Variants in PTPRT observed in about 807,000 individuals in gnomAD.
The protein encoded by PTPRT is protein tyrosine phosphatase receptor type T, also known as receptor-type tyrosine-protein phosphatase T.
Under a neutral mutation model 176.8 loss-of-function variants are expected in PTPRT, and 56 were observed. The ratio of observed to expected loss-of-function variants is 0.32; its 90% CI spans 0.26 to 0.40. PTPRT has a LOEUF of 0.40. Among genes scored for constraint, PTPRT ranks in the 10% least tolerant of loss-of-function variants. PTPRT has a pLI of 1.00. For missense variants in PTPRT, 1,540 were observed against 1,908.2 expected (o/e 0.81, Z 3.60); for synonymous variants, 783 against 739.0 (o/e 1.06, Z -0.96).
rs188968637 is a variant in PTPRT at position 42,934,608 on chromosome 20, G to C, written c.89-48676C>G. ...GTTGTTGGCAGGACTCAGTTTCTCA[G>C]GGGTTGTTGGACAGAGATATTAGCT... On this transcript the variant is annotated intron_variant, in intron 1 of 30. Coordinates refer to ENST00000373187, the MANE Select transcript of PTPRT (RefSeq NM_007050.6). 1.1e-3 allele frequency among the ~76,000 whole-genome samples: 175 copies of C among 152,262 alleles called. 1 individual carries two copies. Among genetic ancestry groups the C allele is most frequent in the South Asian group, 3.3e-3 (16 of 4,808 alleles).
chr20:42,973,242 G>A (rs1176876975), intron 1 of PTPRT, among the ~76,000 whole-genome samples: 1 of 152,124 alleles, frequency 6.6e-6, no homozygotes, highest in Non-Finnish European at 1.5e-5. Context: ...ATGGATGGTG[G>A]TGCCATTTTG....
intron 2 of PTPRT, among the ~76,000 whole-genome samples, chr20:42,810,076 T>G (rs1306653081): frequency 6.6e-6 from 1 of 152,148 alleles, no homozygotes; most frequent in Non-Finnish European, 1.5e-5. Context: ...GTGGATTGCC[T>G]GAGCTCTGGA....
At chr20:42,737,315 T>C (rs531947722) in intron 6 of PTPRT, among the ~76,000 whole-genome samples, 1 of 152,180 alleles carries the variant, frequency 6.6e-6, no homozygotes, top group South Asian at 2.1e-4. Context: ...CACCCAAAGA[T>C]CACTGGCAAC....
intron 15 of PTPRT, among the ~76,000 whole-genome samples, chr20:42,209,950 T>C (rs912317801): frequency 2.6e-5 from 4 of 152,304 alleles, no homozygotes; most frequent in Admixed American, 1.3e-4. Context: ...TTATCCACCA[T>C]GATCAAGTGG....
At chr20:42,540,264 A>C (rs1026741493) in intron 7 of PTPRT, among the ~76,000 whole-genome samples, 1 of 152,172 alleles carries the variant, frequency 6.6e-6, no homozygotes, top group Non-Finnish European at 1.5e-5. Flanking sequence ...GTAGTAAAGG[A>C]AAGTTATTTC....
intron 6 of PTPRT, among the ~76,000 whole-genome samples, chr20:42,716,712 T>C (rs1255838290): frequency 6.6e-6 from 1 of 152,176 alleles, no homozygotes; most frequent in Non-Finnish European, 1.5e-5. Context: ...TTATAAATCA[T>C]GCTGCTATAA....
At position 42,089,173 on chromosome 20, in the gene PTPRT, C is replaced by A. The variant is rs189135145; in HGVS notation, c.3847-3320G>T. Among the ~76,000 whole-genome samples the A allele has an allele frequency of 3.9e-5, 6 of 152,058 alleles. No individual in the cohort carries two copies. The East Asian group carries it at 1.2e-3, about 29-fold the overall frequency. ...GTCACGGGCCTCCATGGCTGGACAA[C>A]CATCTGCTGAGCTGTGCAATGATGA... is the stretch of plus-strand genomic sequence containing the variant. On this transcript the variant is annotated intron_variant, in intron 27 of 30. Transcript: ENST00000373187.
At chr20:43,070,353 AG>A (rs1253057104) in intron 1 of PTPRT, among the ~76,000 whole-genome samples, 1 of 152,206 alleles carries the variant, frequency 6.6e-6, no homozygotes, top group Non-Finnish European at 1.5e-5. Context: ...GTGGAGAAAC[AG>A]GAACACTTTT....
chr20:42,777,488 G>A lies in PTPRT; in HGVS notation c.568+2730C>T, dbSNP rs147066379. On this transcript the variant is annotated intron_variant, in intron 4 of 30. Transcript: ENST00000373187. ...ACCACTATATCCAAGCAGCCCTCCC[G>A]TATCCCAGACACCGACACTTACTAT... Among the ~76,000 whole-genome samples, 373 of 152,132 alleles carry A rather than the reference G, an allele frequency of 2.5e-3. 2 individuals are homozygous for A. Among genetic ancestry groups the A allele is most frequent in the Admixed American group, 0.02 (308 of 15,258 alleles).
intron 2 of PTPRT, among the ~76,000 whole-genome samples, chr20:42,817,702 A>C (rs2077813651): frequency 6.6e-6 from 1 of 152,180 alleles, no homozygotes; most frequent in Non-Finnish European, 1.5e-5. Context: ...GGGAGGCTGG[A>C]GGGCTTGATC....
chr20:42,644,576 G>C (rs1167052707), intron 7 of PTPRT, among the ~76,000 whole-genome samples: 1 of 152,094 alleles, frequency 6.6e-6, no homozygotes, highest in Non-Finnish European at 1.5e-5. Context: ...ATGCAATGAA[G>C]AATAAGGTGT....
At chr20:42,716,930 A>G (rs2076232808) in intron 6 of PTPRT, among the ~76,000 whole-genome samples, 1 of 152,134 alleles carries the variant, frequency 6.6e-6, no homozygotes, top group Admixed American at 6.6e-5. Flanking sequence ...GCAAACTATC[A>G]TAAGGACAAA....
At chr20:42,583,256 A>G (rs994697620) in intron 7 of PTPRT, among the ~76,000 whole-genome samples, 1 of 152,124 alleles carries the variant, frequency 6.6e-6, no homozygotes, top group African/African-American at 2.4e-5. Flanking sequence ...TTAAAAATCA[A>G]ACGCATACTT....
intron 2 of PTPRT, among the ~76,000 whole-genome samples, chr20:42,818,107 G>T (rs2145643850): frequency 6.6e-6 from 1 of 152,242 alleles, no homozygotes; most frequent in Admixed American, 6.5e-5. Flanking sequence ...CTATACAGGA[G>T]CAACCCTACT....
chr20:42,383,419 CA>C (rs5841460), intron 9 of PTPRT, among the ~76,000 whole-genome samples: 115,984 of 147,820 alleles, frequency 0.78, 45,363 homozygotes, highest in East Asian at 0.93. Flanking sequence ...CAGGGATAGA[CA>C]AAAAAAAAAA....
chr20:42,376,163 G>A (rs911837084), intron 9 of PTPRT, among the ~76,000 whole-genome samples: 6 of 152,164 alleles, frequency 3.9e-5, no homozygotes, highest in African/African-American at 1.4e-4. Context: ...CGAGCTTGCC[G>A]GATGAAAGAT....
In PTPRT at chr20:42,721,446, G is replaced by A. The variant is rs565697234; in HGVS notation, c.859+35016C>T. ...GATGGAAGCGTGGTGGGTGGGCAGC[G>A]AATATGTGTAATGCTGTTGTAATCA... On this transcript the variant is annotated intron_variant, in intron 6 of 30. Transcript: ENST00000373187. Among the ~76,000 whole-genome samples the A allele has an allele frequency of 1.2e-4, 19 of 152,288 alleles. No individual in the cohort carries two copies. The South Asian group carries it at 1.9e-3, about 15-fold the overall frequency.
chr20:42,718,667 G>A (rs1376126963), intron 6 of PTPRT, among the ~76,000 whole-genome samples: 1 of 152,112 alleles, frequency 6.6e-6, no homozygotes, highest in Non-Finnish European at 1.5e-5. Flanking sequence ...TTCAAAAACA[G>A]GGAAAATAAT....
chr20:42,153,917 G>A (rs1035314705), intron 17 of PTPRT, among the ~76,000 whole-genome samples: 1 of 152,210 alleles, frequency 6.6e-6, no homozygotes, highest in African/African-American at 2.4e-5. Flanking sequence ...TCTCTTCCAT[G>A]TGAGCTCTTT....
Sources: gnomAD v4.1 joint callset for allele counts (sites outside exome capture counted in the v4.1 genomes callset) on GRCh38, gnomAD v4.1.1 for gene constraint, MANE v1.5 for transcripts, NCBI Gene and HGNC (gene_info 2026-07-23, HGNC 2026-07-21) for gene names.